OPCML: variants seen among roughly 807,000 people sequenced by gnomAD.
OPCML encodes the protein opioid binding protein/cell adhesion molecule like.
Under a neutral mutation model 37.8 loss-of-function variants are expected in OPCML, and 13 were observed. The ratio of observed to expected loss-of-function variants is 0.34; its 90% CI spans 0.22 to 0.55. The LOEUF (loss-of-function observed/expected upper bound fraction) is 0.55, where lower values mean the gene tolerates loss of function less well. OPCML is among the 20% of genes least tolerant of loss of function. The pLI is 0.91. For missense variants in OPCML, 341 were observed against 435.6 expected, an observed-to-expected ratio of 0.78 and a Z score of 1.93; for synonymous variants, 176 against 168.8, an observed-to-expected ratio of 1.04 and a Z score of -0.33.
At chr11:133,191,695 T>C (rs998747943) in intron 1 of OPCML, among the ~76,000 whole-genome samples, 25 of 152,114 alleles carry the variant, frequency 1.6e-4, no homozygotes, top group Non-Finnish European at 2.9e-4. Context: ...GGTTTCACCA[T>C]GTTGGCCAGG....
chr11:132,762,714 G>A (rs926141283), intron 2 of OPCML, among the ~76,000 whole-genome samples: 3 of 152,136 alleles, frequency 2.0e-5, no homozygotes, highest in South Asian at 2.1e-4. Context: ...TGCTGGCAGC[G>A]AAAATTTCAA....
At chr11:133,111,176 T>G (rs940574909) in intron 1 of OPCML, among the ~76,000 whole-genome samples, 12 of 112,782 alleles carry the variant, frequency 1.1e-4, no homozygotes, top group African/African-American at 3.5e-4. Context: ...TTTAGTTCTG[T>G]GTGAATGAGA....
chr11:132,932,351 C>A (rs1945234347), intron 2 of OPCML, among the ~76,000 whole-genome samples: 1 of 152,088 alleles, frequency 6.6e-6, no homozygotes, highest in Non-Finnish European at 1.5e-5. Flanking sequence ...CATGGAGGAA[C>A]TTTTTGGGGT....
intron 2 of OPCML, among the ~76,000 whole-genome samples, chr11:132,692,380 T>C (rs1943439011): frequency 6.6e-6 from 1 of 152,160 alleles, no homozygotes; most frequent in Non-Finnish European, 1.5e-5. Flanking sequence ...ATCTATAGGA[T>C]CAGGCATCTT....
chr11:132,691,288 C>G (rs895070233), intron 2 of OPCML, among the ~76,000 whole-genome samples: 1 of 152,194 alleles, frequency 6.6e-6, no homozygotes, highest in African/African-American at 2.4e-5. Context: ...ACCTCCTGAC[C>G]TCCCATTGCA....
At chr11:133,258,382 A>C (rs1941383519) in intron 1 of OPCML, among the ~76,000 whole-genome samples, 2 of 152,140 alleles carry the variant, frequency 1.3e-5, no homozygotes, top group African/African-American at 4.8e-5. Flanking sequence ...CATAATCTTC[A>C]ACTCTTTGAG....
intron 2 of OPCML, among the ~76,000 whole-genome samples, chr11:132,811,914 C>A (rs951833475): frequency 5.3e-5 from 8 of 152,170 alleles, no homozygotes; most frequent in Admixed American, 5.2e-4. Flanking sequence ...AACATAATCG[C>A]AGAACAGTGT....
At position 132,980,674 on chromosome 11, in the gene OPCML, T is replaced by G. The variant is rs150187951; in HGVS notation, c.62-37664A>C. The stretch of plus-strand genomic sequence containing the variant: ...AGGATGTACGTTTCCATCTCCATTC[T>G]CCCTCGGTGGTTTCCGGGCCATCTC... On this transcript the variant is annotated intron_variant, in intron 1 of 7. Transcript: ENST00000524381. Among the ~76,000 whole-genome samples, 409 of 152,218 alleles carry G rather than the reference T, an allele frequency of 2.7e-3. 3 individuals are homozygous for G. Among genetic ancestry groups the G allele is most frequent in the African/African-American group, 9.2e-3 (382 of 41,542 alleles).
chr11:132,962,168 G>A (rs905703888), intron 1 of OPCML, among the ~76,000 whole-genome samples: 7 of 152,214 alleles, frequency 4.6e-5, no homozygotes, highest in Non-Finnish European at 1.0e-4. Flanking sequence ...TTTCATCCTG[G>A]CGTTTGTTTT....
chr11:132,605,626 TTTTTG>T (rs1216248748), intron 3 of OPCML, among the ~76,000 whole-genome samples: 2 of 121,380 alleles, frequency 1.6e-5, no homozygotes, highest in African/African-American at 8.1e-5. Flanking sequence ...CTTCCTTCAT[TTTTTG>T]TTTTGGCTCC....
chr11:132,925,871 A>C (rs1332135177), intron 2 of OPCML, among the ~76,000 whole-genome samples: 1 of 152,132 alleles, frequency 6.6e-6, no homozygotes, highest in Non-Finnish European at 1.5e-5. Flanking sequence ...AGAAGGTAGA[A>C]GTCTCTGTCC....
chr11:132,708,821 T>C (rs763656979), intron 2 of OPCML, among the ~76,000 whole-genome samples: 12 of 152,184 alleles, frequency 7.9e-5, no homozygotes, highest in African/African-American at 2.7e-4. Flanking sequence ...ACACATACAT[T>C]ATGGCTACCA....
chr11:133,334,428 A>G, intron 1 of OPCML, among the ~76,000 whole-genome samples: 1 of 152,162 alleles, frequency 6.6e-6, no homozygotes, highest in African/African-American at 2.4e-5. Flanking sequence ...TCTCACTTAT[A>G]GTGAGAGCTA....
intron 1 of OPCML, among the ~76,000 whole-genome samples, chr11:133,043,177 T>C (rs1364730454): frequency 6.6e-6 from 1 of 152,128 alleles, no homozygotes; most frequent in Non-Finnish European, 1.5e-5. Flanking sequence ...GAATCTTTAT[T>C]ACCAGGGTGG....
intron 2 of OPCML, among the ~76,000 whole-genome samples, chr11:132,900,014 G>A (rs545173382): frequency 6.6e-6 from 1 of 152,148 alleles, no homozygotes; most frequent in South Asian, 2.1e-4. Context: ...GCTGTCACGG[G>A]ACTTCTCAGA....
rs189791769 is a variant in OPCML at position 133,138,443 on chromosome 11, C to T, written c.62-195433G>A. Among the ~76,000 whole-genome samples, 10 of 152,254 alleles carry T rather than the reference C, an allele frequency of 6.6e-5. No homozygotes were observed. The East Asian group carries it at 1.9e-3, about 29-fold the overall frequency. On this transcript the variant is annotated intron_variant, in intron 1 of 7. Coordinates refer to ENST00000524381, the MANE Select transcript of OPCML (RefSeq NM_001012393.5). ...GGAGCATACGTAGAAACCTATTGCC[C>T]TCCTCCTCCATATATAGATCTCCTC...
At chr11:133,428,496 G>A (rs1946051544) in intron 1 of OPCML, among the ~76,000 whole-genome samples, 1 of 152,080 alleles carries the variant, frequency 6.6e-6, no homozygotes, top group African/African-American at 2.4e-5. Context: ...CAATGTTGCT[G>A]ATAGATAGAA....
chr11:133,268,712 C>A (rs757240360), intron 1 of OPCML, among the ~76,000 whole-genome samples: 19 of 152,144 alleles, frequency 1.2e-4, no homozygotes, highest in Admixed American at 2.0e-4. Context: ...TAGTACTGAG[C>A]AAGTTAAATT....
chr11:132,496,966 C>A (rs1361845099), intron 4 of OPCML, among the ~76,000 whole-genome samples: 2 of 152,090 alleles, frequency 1.3e-5, no homozygotes, highest in African/African-American at 2.4e-5. Context: ...AAAAGCCTAA[C>A]AATGATGCTG....
Sources: gnomAD v4.1 joint callset for allele counts (sites outside exome capture counted in the v4.1 genomes callset) on GRCh38, gnomAD v4.1.1 for gene constraint, MANE v1.5 for transcripts, NCBI Gene and HGNC (gene_info 2026-07-23, HGNC 2026-07-21) for gene names.